CALN1: variants seen among roughly 807,000 people sequenced by gnomAD.
CALN1 encodes calcium-binding protein 8.
In CALN1, 17 loss-of-function variants were observed where a neutral mutation model predicts 30.6. The ratio of observed to expected loss-of-function variants is 0.56; its 90% CI spans 0.38 to 0.83. CALN1 has a LOEUF of 0.83. CALN1 is among the 40% of genes least tolerant of loss of function. The pLI is 0.00. For missense variants in CALN1, 291 were observed against 354.9 expected (o/e 0.82, Z 1.45); for synonymous variants, 156 against 131.4 (o/e 1.19, Z -1.28).
intron 2 of CALN1, chr7:72,337,147 C>T (rs989499837): frequency 1.0e-6 from 1 of 985,370 alleles, no homozygotes; most frequent in African/African-American, 1.7e-5. Flanking sequence ...GCTGGAGTTG[C>T]GCGCCCTAGA....
the CALN1 span, among the ~76,000 whole-genome samples, chr7:72,458,993 C>G: frequency 7.3e-6 from 1 of 137,452 alleles, no homozygotes; most frequent in Non-Finnish European, 1.6e-5. Flanking sequence ...TCACTGCAAC[C>G]TCCCGTTTCC....
intron 5 of CALN1, among the ~76,000 whole-genome samples, chr7:71,832,161 AG>A (rs1331967691): frequency 6.6e-6 from 1 of 152,238 alleles, no homozygotes; most frequent in African/African-American, 2.4e-5. Flanking sequence ...TCTCATTTAA[AG>A]AATGTCATGT....
At chr7:72,489,463 A>G in the CALN1 span, among the ~76,000 whole-genome samples, 2 of 152,286 alleles carry the variant, frequency 1.3e-5, no homozygotes, top group East Asian at 3.9e-4. Context: ...GTGAGGGATC[A>G]AGCCCAGGAC....
At chr7:71,790,772 A>G (rs1297420965) in intron 6 of CALN1, among the ~76,000 whole-genome samples, 1 of 152,186 alleles carries the variant, frequency 6.6e-6, no homozygotes, top group Non-Finnish European at 1.5e-5. Flanking sequence ...TGTTTTAATA[A>G]GCTCTCCAGG....
chr7:72,322,192 C>CAGAT (rs939057495), intron 2 of CALN1, among the ~76,000 whole-genome samples: 3 of 152,154 alleles, frequency 2.0e-5, no homozygotes, highest in African/African-American at 7.2e-5. Flanking sequence ...GAGATAGTGA[C>CAGAT]AGATCATCAG....
At chr7:72,336,284 G>C (rs1287362569) in intron 2 of CALN1, among the ~76,000 whole-genome samples, 1 of 152,104 alleles carries the variant, frequency 6.6e-6, no homozygotes, top group Non-Finnish European at 1.5e-5. Flanking sequence ...GCTGCGGTGC[G>C]GCTCCGAGTC....
chr7:71,966,334 G>A (rs144631869), intron 5 of CALN1, among the ~76,000 whole-genome samples: 225 of 152,312 alleles, frequency 1.5e-3, no homozygotes, highest in African/African-American at 4.7e-3. Context: ...GATATGGTTT[G>A]GATCTGTGTC....
chr7:72,065,832 G>T (rs1803983515), intron 4 of CALN1, among the ~76,000 whole-genome samples: 1 of 152,116 alleles, frequency 6.6e-6, no homozygotes, highest in African/African-American at 2.4e-5. Flanking sequence ...GGCAGAGGTT[G>T]CAGTGAGCCA....
At chr7:72,162,962 A>G (rs1788223709) in intron 3 of CALN1, among the ~76,000 whole-genome samples, 1 of 152,234 alleles carries the variant, frequency 6.6e-6, no homozygotes, top group African/African-American at 2.4e-5. Flanking sequence ...AAAGCCTTTC[A>G]AATCCACAGC....
At chr7:72,137,151 G>C (rs1809567441) in intron 3 of CALN1, among the ~76,000 whole-genome samples, 1 of 152,162 alleles carries the variant, frequency 6.6e-6, no homozygotes. Flanking sequence ...GTGAAGGAAA[G>C]TTTATTGCAG....
intron 3 of CALN1, among the ~76,000 whole-genome samples, chr7:72,216,260 A>C (rs1349021357): frequency 6.6e-6 from 1 of 151,870 alleles, no homozygotes; most frequent in Non-Finnish European, 1.5e-5. Flanking sequence ...ACAAAAAATA[A>C]TAATAATAAA....
chr7:72,160,882 A>C (rs7789624), intron 3 of CALN1, among the ~76,000 whole-genome samples: 44,938 of 152,088 alleles, frequency 0.3, 7,201 homozygotes, highest in Non-Finnish European at 0.35. Flanking sequence ...CCATTCCCAA[A>C]ATCTTCCTTC....
chr7:71,936,718 A>G (rs992971592), intron 5 of CALN1, among the ~76,000 whole-genome samples: 28 of 152,202 alleles, frequency 1.8e-4, no homozygotes, highest in African/African-American at 6.5e-4. Context: ...TCCAAACTCC[A>G]TTAGTCATAT....
At chr7:72,215,980 C>G (rs533467270) in intron 3 of CALN1, among the ~76,000 whole-genome samples, 2 of 152,106 alleles carry the variant, frequency 1.3e-5, no homozygotes, top group Non-Finnish European at 2.9e-5. Context: ...ATCTGAGACT[C>G]CTCCTGTTCA....
At chr7:71,851,188 CAG>C (rs1454597687) in intron 5 of CALN1, among the ~76,000 whole-genome samples, 1 of 141,696 alleles carries the variant, frequency 7.1e-6, no homozygotes, top group African/African-American at 2.6e-5. Flanking sequence ...GCCTGGGCGA[CAG>C]AGAGAGACCT....
chr7:72,179,035 A>G (rs1301613383), intron 3 of CALN1, among the ~76,000 whole-genome samples: 3 of 152,156 alleles, frequency 2.0e-5, no homozygotes, highest in Non-Finnish European at 4.4e-5. Context: ...ATTTTTTTGG[A>G]CTAAAATTAG....
chr7:72,308,223 GCATGGTGGTATACACCTGTAATTTCAGC>G (rs1799783106), intron 2 of CALN1, among the ~76,000 whole-genome samples: 1 of 152,046 alleles, frequency 6.6e-6, no homozygotes. Flanking sequence ...AATTAGCCAG[GCATGGTGGTATACACCTGTAATTTCAGC>G]TACTTGGGAG....
chr7:72,246,566 C>T (rs520564), intron 3 of CALN1, among the ~76,000 whole-genome samples: 104,989 of 151,876 alleles, frequency 0.69, 36,855 homozygotes, highest in East Asian at 1. Flanking sequence ...GATTCTCTTT[C>T]GAGAGAATGT....
chr7:72,451,188 G>A (rs890529949), upstream of CALN1, among the ~76,000 whole-genome samples: 1 of 125,008 alleles, frequency 8.0e-6, no homozygotes, highest in African/African-American at 4.0e-5. Flanking sequence ...GCAGGAGGAG[G>A]AGAAGAAGAA....
Sources: gnomAD v4.1 joint callset for allele counts (sites outside exome capture counted in the v4.1 genomes callset) on GRCh38, gnomAD v4.1.1 for gene constraint, MANE v1.5 for transcripts, NCBI Gene and HGNC (gene_info 2026-07-23, HGNC 2026-07-21) for gene names.